The following NELL1 variants were observed in gnomAD, a reference collection of about 807,000 sequenced individuals.
NELL1 encodes the protein protein kinase C-binding protein NELL1.
NELL1 carries 76 observed loss-of-function variants against 107.4 expected under a neutral mutation model. The ratio of observed to expected loss-of-function variants is 0.71; its 90% CI spans 0.59 to 0.86. The LOEUF is 0.86. NELL1 is among the 40% of genes least tolerant of loss of function. The pLI, the probability that NELL1 is intolerant of heterozygous loss-of-function variation, is 0.00. For missense variants in NELL1, 1,024 were observed against 1,005.5 expected, an observed-to-expected ratio of 1.02 and a Z score of -0.25; for synonymous variants, 353 against 341.2, an observed-to-expected ratio of 1.03 and a Z score of -0.38.
At chr11:20,841,010 C>T (rs956438670) in intron 3 of NELL1, among the ~76,000 whole-genome samples, 5 of 152,100 alleles carry the variant, frequency 3.3e-5, no homozygotes, top group African/African-American at 1.2e-4. Context: ...CTTCTTTTTG[C>T]CTTTCTTCGG....
At chr11:21,279,048 T>A (rs2133945125) in intron 14 of NELL1, among the ~76,000 whole-genome samples, 1 of 152,174 alleles carries the variant, frequency 6.6e-6, no homozygotes, top group Middle Eastern at 3.4e-3. Flanking sequence ...TCTCAGCAAA[T>A]GGTGCTAGAA....
intron 14 of NELL1, among the ~76,000 whole-genome samples, chr11:21,333,688 G>A (rs1850321086): frequency 6.6e-6 from 1 of 152,048 alleles, no homozygotes; most frequent in South Asian, 2.1e-4. Flanking sequence ...AAGCATTGAA[G>A]CATTTGGCTG....
intron 5 of NELL1, among the ~76,000 whole-genome samples, chr11:20,893,954 A>G (rs903983893): frequency 5.3e-5 from 8 of 152,130 alleles, no homozygotes; most frequent in African/African-American, 1.9e-4. Flanking sequence ...ACCACATAAT[A>G]ATAAGCTATT....
chr11:20,999,872 G>A (rs1277115319), intron 12 of NELL1, among the ~76,000 whole-genome samples: 1 of 152,140 alleles, frequency 6.6e-6, no homozygotes, highest in African/African-American at 2.4e-5. Context: ...TCATTATGGT[G>A]TTAAAGTTTT....
chr11:21,511,576 A>G (rs1385560535), intron 15 of NELL1, among the ~76,000 whole-genome samples: 2 of 152,210 alleles, frequency 1.3e-5, no homozygotes, highest in Non-Finnish European at 2.9e-5. Context: ...AAGCAAGGTA[A>G]TGGATTAGGG....
At chr11:20,989,122 T>C (rs7939928) in intron 12 of NELL1, among the ~76,000 whole-genome samples, 11,950 of 152,052 alleles carry the variant, frequency 0.079, 519 homozygotes, top group African/African-American at 0.12. Flanking sequence ...AGTGGCAGAG[T>C]TGGGTACAAA....
At chr11:20,755,696 C>G (rs1172561129) in intron 2 of NELL1, among the ~76,000 whole-genome samples, 1 of 151,390 alleles carries the variant, frequency 6.6e-6, no homozygotes, top group Non-Finnish European at 1.5e-5. Context: ...ACTGAGATTA[C>G]AGGCATGAGC....
intron 16 of NELL1, among the ~76,000 whole-genome samples, chr11:21,546,867 T>A (rs1343657229): frequency 6.6e-6 from 1 of 152,042 alleles, no homozygotes; most frequent in Non-Finnish European, 1.5e-5. Context: ...TGTGGGTTTA[T>A]GAGCAGGGAA....
chr11:20,782,630 T>A (rs1856873479), intron 2 of NELL1, among the ~76,000 whole-genome samples: 1 of 152,148 alleles, frequency 6.6e-6, no homozygotes, highest in Non-Finnish European at 1.5e-5. Context: ...AGTGCAGCAT[T>A]TGAAGTTCTA....
At chr11:21,421,227 T>C (rs1852660358) in intron 15 of NELL1, among the ~76,000 whole-genome samples, 1 of 152,152 alleles carries the variant, frequency 6.6e-6, no homozygotes. Context: ...ATCTGCCTCT[T>C]CACCTAAACA....
At chr11:21,571,418 G>A (rs995632183) in intron 18 of NELL1, among the ~76,000 whole-genome samples, 1 of 151,842 alleles carries the variant, frequency 6.6e-6, no homozygotes. Context: ...CCTTGGGCAA[G>A]TCCTAGCATT....
At chr11:21,235,359 G>A (rs1858178956) in intron 14 of NELL1, among the ~76,000 whole-genome samples, 1 of 152,124 alleles carries the variant, frequency 6.6e-6, no homozygotes. Flanking sequence ...ATTTGAGACT[G>A]TACCCCACAT....
At chr11:20,776,486 T>C (rs1012400546) in intron 2 of NELL1, among the ~76,000 whole-genome samples, 2 of 151,772 alleles carry the variant, frequency 1.3e-5, no homozygotes, top group Non-Finnish European at 2.9e-5. Flanking sequence ...TTTATATATA[T>C]ATATCACTTA....
rs151257047 is a variant in NELL1 at position 20,944,056 on chromosome 11, G to A, written c.1072-3280G>A. Among the ~76,000 whole-genome samples the A allele has an allele frequency of 1.1e-4, 17 of 152,292 alleles. 1 individual carries two copies. In the East Asian group the frequency reaches 3.1e-3, roughly 28 times the overall value. Reference sequence around the variant, plus strand: ...CCAGGCAGCTTTTCTCAAGATGTAAGCACTAATGCCCTATGGAATCTGTTG... The same window carrying A: ...CCAGGCAGCTTTTCTCAAGATGTAAACACTAATGCCCTATGGAATCTGTTG... On this transcript the variant is annotated intron_variant, in intron 10 of 19. Coordinates refer to ENST00000357134, the MANE Select transcript of NELL1 (RefSeq NM_006157.5).
At chr11:20,829,510 G>A (rs567175631) in intron 3 of NELL1, among the ~76,000 whole-genome samples, 1 of 151,538 alleles carries the variant, frequency 6.6e-6, no homozygotes, top group Non-Finnish European at 1.5e-5. Context: ...ACAGGTGTGA[G>A]CCACTGCACC....
At chr11:20,809,055 T>C (rs1026883680) in intron 3 of NELL1, among the ~76,000 whole-genome samples, 2 of 152,192 alleles carry the variant, frequency 1.3e-5, no homozygotes, top group Non-Finnish European at 2.9e-5. Flanking sequence ...ATAATTGTTG[T>C]AGGCTTCTAT....
At chr11:21,344,834 A>G (rs1850651010) in intron 14 of NELL1, among the ~76,000 whole-genome samples, 1 of 151,860 alleles carries the variant, frequency 6.6e-6, no homozygotes. Flanking sequence ...CTCTGCAATG[A>G]TAGTTGTTGT....
intron 12 of NELL1, among the ~76,000 whole-genome samples, chr11:21,007,388 GACACACACAC>G (rs66809505): frequency 2.7e-5 from 4 of 149,136 alleles, no homozygotes; most frequent in African/African-American, 4.9e-5. Context: ...CACACACACA[GACACACACAC>G]ACACACACAC....
chr11:21,087,064 C>T lies in NELL1; in HGVS notation c.1301-26525C>T, dbSNP rs186837127. Among the ~76,000 whole-genome samples, 13 of 152,246 alleles carry T rather than the reference C, an allele frequency of 8.5e-5. No homozygotes were observed. The East Asian group carries it at 2.1e-3, about 25-fold the overall frequency. Reference sequence around the variant, plus strand: ...CCGTGTTAGCCAGGATGGTCTCGATCTCCTGACCTCGTGATCCGCACGCCT... The same window carrying T: ...CCGTGTTAGCCAGGATGGTCTCGATTTCCTGACCTCGTGATCCGCACGCCT... On this transcript the variant is annotated intron_variant, in intron 12 of 19. Transcript: ENST00000357134.
Sources: allele counts gnomAD v4.1 joint callset (sites outside exome capture counted in the v4.1 genomes callset), GRCh38; gene constraint gnomAD v4.1.1; transcripts MANE v1.5; gene names NCBI Gene and HGNC (gene_info 2026-07-23, HGNC 2026-07-21).